Variants in GNAS observed in about 807,000 individuals in gnomAD.
GNAS encodes GNAS complex locus.
A neutral mutation model predicts 54.5 loss-of-function variants in GNAS; 8 were observed. The observed-to-expected ratio is 0.15, with a 90% confidence interval of 0.09 to 0.26. The LOEUF (loss-of-function observed/expected upper bound fraction) is 0.26. Among genes scored for constraint, GNAS ranks in the 10% least tolerant of loss-of-function variants. The pLI is 1.00. For synonymous variants in GNAS, 204 were observed against 191.4 expected (o/e 1.07, Z -0.54); for missense variants, 170 against 529.8 (o/e 0.32, Z 6.67).
Position 58,891,838 on chromosome 20 carries a change from CG to C in GNAS, c.115del (p.Ala39ProfsTer19). On this transcript the variant is annotated frameshift_variant, in exon 1 of 13. Coordinates refer to ENST00000371085, the MANE Select transcript of GNAS (RefSeq NM_000516.7). LOFTEE classifies it high-confidence loss of function. The stretch of plus-strand genomic sequence containing the variant: ...GCTGCAGAAGGACAAGCAGGTCTAC[CG>C]GGCCACGCACCGCCTGCTGCTGCTG... ...KQLQKDKQVY[R>X]ATHRLLLLGA... The C allele has an allele frequency of 7.9e-7, 1 of 1,268,194 alleles. No homozygotes were observed. The highest frequency in any genetic ancestry group is 1.0e-6 in the Non-Finnish European group (1 of 967,082). The allele number at this position is 1,268,194 out of a possible 1,614,324, so 78.6% of individuals were successfully genotyped here.
chr20:58,896,833 AGG>A (rs1245845081), intron 2 of GNAS, among the ~76,000 whole-genome samples: 1 of 152,130 alleles, frequency 6.6e-6, no homozygotes, highest in African/African-American at 2.4e-5. Flanking sequence ...CCATTTCAAA[AGG>A]GGAGTTGGAG....
chr20:58,890,308 TCGGGGGCGCCGAGGAGGGCGCCGCCGC>T (rs1433468393), upstream of GNAS, among the ~76,000 whole-genome samples: 5 of 146,772 alleles, frequency 3.4e-5, no homozygotes, highest in South Asian at 4.4e-4. Context: ...GAGGGCGCCG[TCGGGGGCGCCGAGGAGGGCGCCGCCGC>T]CGGGGGCACG....
chr20:58,892,523 G>C (rs2089543941), intron 1 of GNAS: 2 of 143,862 alleles, frequency 1.4e-5, no homozygotes, highest in East Asian at 2.1e-4. Context: ...GTGGTGCAGT[G>C]GGGGGGAGGG....
upstream of GNAS, chr20:58,889,245 C>A (rs1372915590): frequency 7.0e-6 from 8 of 1,148,830 alleles, no homozygotes; most frequent in South Asian, 9.7e-5. Context: ...CCCCTGCTCT[C>A]TGGCTCCGGG....
intron 1 of GNAS, among the ~76,000 whole-genome samples, chr20:58,874,731 C>A (rs2087694616): frequency 6.6e-6 from 1 of 152,162 alleles, no homozygotes. Flanking sequence ...TGCTGGCCTG[C>A]CTTCCATCTT....
At chr20:58,904,546 CG>C (rs984121219) in intron 5 of GNAS, among the ~76,000 whole-genome samples, 3 of 152,060 alleles carry the variant, frequency 2.0e-5, no homozygotes, top group Non-Finnish European at 4.4e-5. Context: ...AAGCGGGGAA[CG>C]GGAAACGAGA....
Position 58,841,705 on chromosome 20 carries a change from A to G in GNAS, c.43+819A>G, listed in dbSNP as rs3787497. The stretch of plus-strand genomic sequence containing the variant: ...AGAGGAGGTAAGGGGACCCTTGGGG[A>G]TGCCCCTACGGGCTACCAGGGTTGA... On this transcript the variant is annotated intron_variant, in intron 1 of 12. Transcript: ENST00000306090. The surrounding 1 kb of genome is among the most constrained non-coding windows in gnomAD (Gnocchi z 5.0). 767,879 of 1,210,660 alleles carry G rather than the reference A, an allele frequency of 0.63. 246,174 individuals are homozygous for G. Among genetic ancestry groups the G allele is most frequent in the East Asian group, 0.77 (23,364 of 30,232 alleles). The allele number at this position is 1,210,660 out of a possible 1,614,324, so 75.0% of individuals were successfully genotyped here. A position where few individuals can be genotyped will look rare whatever the true frequency, so the allele number is the denominator to read the frequency against.
chr20:58,859,490 C>T (rs1016249158), intron 1 of GNAS, among the ~76,000 whole-genome samples: 2 of 152,056 alleles, frequency 1.3e-5, no homozygotes, highest in African/African-American at 2.4e-5. Flanking sequence ...AGCCACTGTG[C>T]CTGGCCACAT....
At chr20:58,842,041 G>A (rs2085753623) in intron 1 of GNAS, 1 of 581,782 alleles carries the variant, frequency 1.7e-6, no homozygotes, top group Non-Finnish European at 2.5e-6. Flanking sequence ...GGGGCCGGCG[G>A]CTCCGGCAGC....
chr20:58,892,723 C>G (rs905827048), intron 1 of GNAS, among the ~76,000 whole-genome samples: 2 of 151,938 alleles, frequency 1.3e-5, no homozygotes, highest in African/African-American at 4.8e-5. Flanking sequence ...AATAAGACCA[C>G]CCCCCAACAC....
At chr20:58,854,751 G>T (rs1302882903) in intron 1 of GNAS, 1 of 1,545,222 alleles carries the variant, frequency 6.5e-7, no homozygotes, top group Non-Finnish European at 8.7e-7. Flanking sequence ...AGACGCAGGG[G>T]CTCCCACTGC....
chr20:58,899,862 C>T, intron 3 of GNAS: 2 of 708,294 alleles, frequency 2.8e-6, no homozygotes, highest in Non-Finnish European at 5.3e-6. Flanking sequence ...AAAGAAACAG[C>T]TTCTGTGGCC....
At chr20:58,902,408 A>C (rs376019172) in intron 3 of GNAS, among the ~76,000 whole-genome samples, 1 of 152,204 alleles carries the variant, frequency 6.6e-6, no homozygotes, top group Non-Finnish European at 1.5e-5. Context: ...TGGTACAAAA[A>C]TTAACATTCT....
chr20:58,892,483 A>T (rs1339204773), intron 1 of GNAS: 1 of 135,796 alleles, frequency 7.4e-6, no homozygotes, highest in African/African-American at 2.8e-5. Flanking sequence ...TGGTGACATC[A>T]GCCCCTCGGA....
chr20:58,878,841 C>T (rs1489668292), intron 1 of GNAS, among the ~76,000 whole-genome samples: 3 of 136,430 alleles, frequency 2.2e-5, no homozygotes, highest in Non-Finnish European at 4.6e-5. Flanking sequence ...CTTATGACCG[C>T]GTGGCTGCTT....
intron 1 of GNAS, among the ~76,000 whole-genome samples, chr20:58,874,693 T>G (rs2087688552): frequency 6.6e-6 from 1 of 151,814 alleles, no homozygotes; most frequent in Non-Finnish European, 1.5e-5. Context: ...CCTTCTATCT[T>G]TGCTCCTGGC....
chr20:58,909,061 A>G lies in GNAS; in HGVS notation c.531-101A>G. On this transcript the variant is annotated intron_variant, in intron 6 of 12. Coordinates refer to ENST00000371085, the MANE Select transcript of GNAS (RefSeq NM_000516.7). This position sits in a 1 kb window ranked among gnomAD's most constrained non-coding sequence, Gnocchi z 7.3. ...TGACTTAGTGCTGCATAACTGTGGG[A>G]CGGTCACTTCCGTTGAGCCTGACCT... 1 of 947,186 alleles carries G rather than the reference A, an allele frequency of 1.1e-6. No individual in the cohort carries two copies. The highest frequency in any genetic ancestry group is 1.7e-6 in the Non-Finnish European group (1 of 572,720). 58.7% of individuals were successfully genotyped at this position (947,186 alleles called of 1,614,324 possible).
chr20:58,904,257 A>G (rs575531639), intron 5 of GNAS, among the ~76,000 whole-genome samples: 1 of 152,354 alleles, frequency 6.6e-6, no homozygotes, highest in Admixed American at 6.5e-5. Flanking sequence ...GGGATGCCTC[A>G]GTGAAGTGCC....
intron 1 of GNAS, among the ~76,000 whole-genome samples, chr20:58,865,659 C>T (rs2087022238): frequency 6.6e-6 from 1 of 151,258 alleles, no homozygotes; most frequent in African/African-American, 2.4e-5. Context: ...TGACTGCAAC[C>T]TCTGCCTCCT....
Sources: allele counts gnomAD v4.1 joint callset (sites outside exome capture counted in the v4.1 genomes callset), GRCh38; gene constraint gnomAD v4.1.1; non-coding constraint Gnocchi (gnomAD v3.1); transcripts MANE v1.5; gene names NCBI Gene and HGNC (gene_info 2026-07-23, HGNC 2026-07-21).